Variants in SMG1 observed in about 807,000 individuals in gnomAD.
The protein encoded by SMG1 is SMG1 nonsense mediated mRNA decay associated PI3K related kinase.
SMG1 carries 22 observed loss-of-function variants against 419.9 expected under a neutral mutation model. The observed-to-expected ratio is 0.05, with a 90% CI of 0.04 to 0.07. The LOEUF (loss-of-function observed/expected upper bound fraction) is 0.07, where lower values mean the gene tolerates loss of function less well. Among genes scored for constraint, SMG1 ranks in the 10% least tolerant of loss-of-function variants. The pLI is 1.00. For synonymous variants in SMG1, 1,538 were observed against 1,553.5 expected (o/e 0.99, Z 0.23); for missense variants, 3,185 against 4,342.0 (o/e 0.73, Z 7.49).
chr16:18,901,699 A>G (rs1162474534), intron 1 of SMG1, among the ~76,000 whole-genome samples: 1 of 152,120 alleles, frequency 6.6e-6, no homozygotes, highest in Non-Finnish European at 1.5e-5. Flanking sequence ...TCCTGGCCAG[A>G]AGCAGTGGCT....
rs374811090 is a variant in SMG1 at position 18,871,445 on chromosome 16, A to G, written c.2221T>C (p.Leu741=). Residue 741 remains leucine, a synonymous_variant, in exon 16 of 63, where the codon TTA becomes CTA. Coordinates refer to ENST00000446231, the MANE Select transcript of SMG1 (RefSeq NM_015092.5). ...GCGTATGTTTCAGACTTCTTCATTA[A>G]AACAGCTGCTTCCAAAGCCCAAGTC... is the stretch of plus-strand genomic sequence containing the variant. ...LMTWALEAAV[L]MKKSETYAPL... 2.5e-6 allele frequency: 4 copies of G among 1,601,796 alleles called. No homozygotes were observed. The African/African-American group carries it at 4.0e-5, about 16-fold the overall frequency.
intron 54 of SMG1, 26 bp from the exon 55 acceptor site, chr16:18,828,194 A>C (rs781054356): frequency 6.2e-7 from 1 of 1,608,378 alleles, no homozygotes; most frequent in South Asian, 1.1e-5. Context: ...GAAATGTATT[A>C]AAATCAGCAG....
chr16:18,904,366 G>A (rs963606681), intron 1 of SMG1, among the ~76,000 whole-genome samples: 1 of 151,774 alleles, frequency 6.6e-6, no homozygotes, highest in African/African-American at 2.4e-5. Flanking sequence ...CGGGCACGGC[G>A]GCTCACGCCT....
chr16:18,863,913 G>C (rs1161677086), intron 24 of SMG1, 62 bp from the exon 25 acceptor site: 14 of 1,580,306 alleles, frequency 8.9e-6, no homozygotes, highest in Non-Finnish European at 1.2e-5. Flanking sequence ...ATTTCAAAGA[G>C]CACAGAAACC....
chr16:18,837,406 A>T lies in SMG1; in HGVS notation c.7451T>A (p.Val2484Glu). The change falls in exon 46 of 63, where the codon GTG (valine) becomes GAG (glutamate). Residue 2484 changes from valine to glutamate, a missense_variant. By Grantham distance (121) the Val-to-Glu change is moderately radical (BLOSUM62 -2). This residue lies in a region of SMG1 where 412 missense variants were observed against 546.6 expected (regional missense o/e 0.75). Coordinates refer to ENST00000446231, the MANE Select transcript of SMG1 (RefSeq NM_015092.5). ...WFKNRDEMLVVLPKLDGSLDE... is the reference protein window; with the variant it reads ...WFKNRDEMLVELPKLDGSLDE... ...TAAGCTACCGTCCAACTTGGGAAGC[A>T]CAACCAGCATCTCATCTCTATTCTT... The T allele has an allele frequency of 6.2e-7, 1 of 1,613,974 alleles. No homozygotes were observed.
intron 20 of SMG1, 71 bp from the exon 21 acceptor site, chr16:18,868,790 T>A (rs2035655095): frequency 1.5e-6 from 1 of 669,928 alleles, no homozygotes; most frequent in African/African-American, 1.8e-5. Context: ...GAGTTTTTTA[T>A]GACCAATTCA....
Position 18,884,114 on chromosome 16 carries a change from T to G in SMG1, c.1075A>C (p.Thr359Pro). 6.2e-7 allele frequency: 1 copy of G among 1,604,276 alleles called. No individual in the cohort carries two copies. The highest frequency in any genetic ancestry group is 8.5e-7 in the Non-Finnish European group (1 of 1,174,348). ...FWVADLAFST[T>P]LLGQFLEDME... is the part of the protein sequence containing the mutation. The stretch of plus-strand genomic sequence containing the variant: ...TCTTCCAGAAACTGACCAAGAAGAG[T>G]AGTAGAAAATGCAAGATCAGCTACC... The change falls in exon 9 of 63, where the codon ACT (threonine) becomes CCT (proline). Residue 359 changes from threonine (T) to proline (P), a missense_variant. By Grantham distance (38) the Thr-to-Pro change is conservative. This residue lies in a region of SMG1 where 27 missense variants were observed against 59.4 expected (regional missense o/e 0.45). Coordinates refer to ENST00000446231, the MANE Select transcript of SMG1 (RefSeq NM_015092.5).
intron 23 of SMG1, 45 bp from the exon 24 acceptor site, chr16:18,864,189 T>C: frequency 4.1e-6 from 2 of 484,962 alleles, no homozygotes; most frequent in South Asian, 5.5e-5. Context: ...TCTACTTACT[T>C]TTTTTTTTTT....
At chr16:18,850,728 G>C (rs1489418079) in intron 33 of SMG1, among the ~76,000 whole-genome samples, 1 of 152,220 alleles carries the variant, frequency 6.6e-6, no homozygotes, top group East Asian at 1.9e-4. Flanking sequence ...ATGCTTCCAA[G>C]TTACAATACA....
intron 39 of SMG1, among the ~76,000 whole-genome samples, chr16:18,844,454 A>AACCC (rs2034117664): frequency 2.3e-4 from 1 of 4,426 alleles, no homozygotes; most frequent in African/African-American, 1.2e-3. Flanking sequence ...AACAAACAAC[A>AACCC]CCCCCCCCCC....
chr16:18,899,768 T>C (rs1053144419), intron 1 of SMG1, among the ~76,000 whole-genome samples: 1 of 152,174 alleles, frequency 6.6e-6, no homozygotes, highest in Non-Finnish European at 1.5e-5. Flanking sequence ...GGATATCATC[T>C]GCCAGAATTA....
At chr16:18,864,757 G>C (rs1368661974) in intron 23 of SMG1, among the ~76,000 whole-genome samples, 3 of 151,806 alleles carry the variant, frequency 2.0e-5, no homozygotes, top group African/African-American at 7.3e-5. Flanking sequence ...GATTTCAGGC[G>C]TGAACCACCG....
chr16:18,812,433 G>A (rs1171198110), intron 60 of SMG1, among the ~76,000 whole-genome samples: 1 of 152,004 alleles, frequency 6.6e-6, no homozygotes, highest in East Asian at 1.9e-4. Context: ...GGGCGGATCA[G>A]TTGAGGTCAG....
chr16:18,862,405 G>A (rs934467476), intron 25 of SMG1, among the ~76,000 whole-genome samples: 1 of 152,178 alleles, frequency 6.6e-6, no homozygotes, highest in Admixed American at 6.5e-5. Flanking sequence ...CTAGAGTATA[G>A]AGACTGAAAA....
chr16:18,878,276 A>C (rs541445223), intron 11 of SMG1: 1 of 151,756 alleles, frequency 6.6e-6, no homozygotes, highest in African/African-American at 2.4e-5. Context: ...CAGCCTGGGC[A>C]AAAGAGCGAG....
At chr16:18,874,349 G>C (rs973794241) in intron 13 of SMG1, among the ~76,000 whole-genome samples, 2 of 151,522 alleles carry the variant, frequency 1.3e-5, no homozygotes, top group African/African-American at 4.8e-5. Context: ...ATGTTGGCCA[G>C]GCTGGTCTCA....
Position 18,871,451 on chromosome 16 carries a change from C to T in SMG1, c.2215G>A (p.Ala739Thr). The T allele has an allele frequency of 2.5e-6, 4 of 1,599,610 alleles. No individual in the cohort carries two copies. Among genetic ancestry groups the T allele is most frequent in the Non-Finnish European group, 3.4e-6 (4 of 1,175,596 alleles). Reference protein sequence around the residue: ...KLLMTWALEAAVLMKKSETYA... With the variant: ...KLLMTWALEATVLMKKSETYA... The stretch of plus-strand genomic sequence containing the variant: ...GTTTCAGACTTCTTCATTAAAACAG[C>T]TGCTTCCAAAGCCCAAGTCATTAAC... The change falls in exon 16 of 63, where the codon GCT becomes ACT. Residue 739 changes from alanine (A) to threonine (T), a missense_variant. Ala to Thr is a moderately conservative substitution (Grantham distance 58). Coordinates refer to ENST00000446231, the MANE Select transcript of SMG1 (RefSeq NM_015092.5).
At chr16:18,908,156 A>T (rs1330792185) in intron 1 of SMG1, among the ~76,000 whole-genome samples, 1 of 152,056 alleles carries the variant, frequency 6.6e-6, no homozygotes, top group Non-Finnish European at 1.5e-5. Context: ...ACCTGAGTTC[A>T]GGAGTTCAAG....
chr16:18,871,038 C>T, intron 16 of SMG1, 150 bp from the exon 17 acceptor site: 1 of 618,382 alleles, frequency 1.6e-6, no homozygotes, highest in Non-Finnish European at 2.8e-6. Context: ...TTCTCACTGA[C>T]TGTCACATTT....
Sources: gnomAD v4.1 joint callset for allele counts (sites outside exome capture counted in the v4.1 genomes callset) on GRCh38, gnomAD v4.1.1 for gene constraint, gnomAD v4.1.1 regional missense constraint, MANE v1.5 for transcripts, NCBI Gene and HGNC (gene_info 2026-07-23, HGNC 2026-07-21) for gene names.